The following LMX1B variants were observed in gnomAD, a reference collection of about 807,000 sequenced individuals.
LMX1B encodes LIM homeobox transcription factor 1-beta.
A neutral mutation model predicts 51.4 loss-of-function variants in LMX1B; 12 were observed. The observed-to-expected ratio is 0.23, with a 90% confidence interval of 0.15 to 0.38. The LOEUF (loss-of-function observed/expected upper bound fraction) is 0.38, where lower values mean the gene tolerates loss of function less well. Among genes scored for constraint, LMX1B ranks in the 10% least tolerant of loss-of-function variants. LMX1B has a pLI of 1.00. For missense variants in LMX1B, 445 were observed against 571.1 expected (o/e 0.78, Z 2.25); for synonymous variants, 237 against 235.4 (o/e 1.01, Z -0.06).
intron 2 of LMX1B, among the ~76,000 whole-genome samples, chr9:126,661,001 C>T (rs939532854): frequency 1.3e-5 from 2 of 152,170 alleles, no homozygotes; most frequent in Admixed American, 6.5e-5. Context: ...ACAAAAGCAA[C>T]GTCTAAACTT....
chr9:126,639,857 T>C (rs1391581335), intron 2 of LMX1B, among the ~76,000 whole-genome samples: 1 of 152,244 alleles, frequency 6.6e-6, no homozygotes, highest in Non-Finnish European at 1.5e-5. Flanking sequence ...GCTGTGATGA[T>C]CTTTAGCAGG....
At chr9:126,619,299 C>T (rs1835365017) in intron 2 of LMX1B, among the ~76,000 whole-genome samples, 1 of 152,190 alleles carries the variant, frequency 6.6e-6, no homozygotes, top group Non-Finnish European at 1.5e-5. Context: ...CACTCCCCAT[C>T]CAGCTCCCGC....
chr9:126,633,654 C>T (rs1660857574), intron 2 of LMX1B, among the ~76,000 whole-genome samples: 3 of 152,180 alleles, frequency 2.0e-5, no homozygotes, highest in African/African-American at 4.8e-5. Flanking sequence ...ACGGAGTCCA[C>T]CAGCACATCC....
intron 3 of LMX1B, among the ~76,000 whole-genome samples, chr9:126,692,814 G>A (rs1475094133): frequency 2.6e-5 from 4 of 152,258 alleles, no homozygotes; most frequent in Non-Finnish European, 4.4e-5. Context: ...CCACATGTAC[G>A]TGTGTGCATG....
At chr9:126,689,698 C>T (rs1038563776) in intron 2 of LMX1B, among the ~76,000 whole-genome samples, 7 of 151,704 alleles carry the variant, frequency 4.6e-5, no homozygotes, top group African/African-American at 7.2e-5. Flanking sequence ...CCACCTCTCC[C>T]GGCCCTCGTT....
chr9:126,633,067 C>T (rs10760443), intron 2 of LMX1B, among the ~76,000 whole-genome samples: 127,474 of 152,150 alleles, frequency 0.84, 54,070 homozygotes, highest in Non-Finnish European at 0.92. Context: ...GTCCCCTGGC[C>T]TCCATCATCC....
intron 3 of LMX1B, among the ~76,000 whole-genome samples, chr9:126,691,490 A>G (rs1418916945): frequency 1.3e-5 from 2 of 151,588 alleles, no homozygotes; most frequent in Non-Finnish European, 2.9e-5. Flanking sequence ...TACACACATG[A>G]CACAGCACAC....
intron 2 of LMX1B, among the ~76,000 whole-genome samples, chr9:126,686,489 T>G (rs889746194): frequency 3.3e-5 from 5 of 152,198 alleles, no homozygotes; most frequent in African/African-American, 4.8e-5. Flanking sequence ...AAATGGAATT[T>G]CTTACTCCAT....
At position 126,677,382 on chromosome 9, in the gene LMX1B, C is replaced by T. The variant is rs1452644068; in HGVS notation, c.327-13454C>T. ...TTCTCTCAGGCCTCTGTAGATGACT[C>T]AGCCAGGGGACTCATCTTGCCCACC... On this transcript the variant is annotated intron_variant, in intron 2 of 7. Coordinates refer to ENST00000373474, the MANE Select transcript of LMX1B (RefSeq NM_001174147.2). This position sits in a 1 kb window ranked among gnomAD's most constrained non-coding sequence, Gnocchi z 5.0. Among the ~76,000 whole-genome samples, 3 of 152,216 alleles carry T rather than the reference C, an allele frequency of 2.0e-5. No homozygotes were observed. The highest frequency in any genetic ancestry group is 4.4e-5 in the Non-Finnish European group (3 of 68,040).
chr9:126,631,187 T>A (rs1588269030), intron 2 of LMX1B, among the ~76,000 whole-genome samples: 1 of 152,130 alleles, frequency 6.6e-6, no homozygotes, highest in South Asian at 2.1e-4. Flanking sequence ...GTGGCAAGAG[T>A]TCAGGCCAGT....
chr9:126,642,355 A>T (rs1835824829), intron 2 of LMX1B, among the ~76,000 whole-genome samples: 1 of 152,134 alleles, frequency 6.6e-6, no homozygotes, highest in African/African-American at 2.4e-5. Flanking sequence ...TGCAGCCCTG[A>T]TGCCAGGGCT....
intron 2 of LMX1B, among the ~76,000 whole-genome samples, chr9:126,637,942 G>GC (rs1835743055): frequency 6.6e-6 from 1 of 151,334 alleles, no homozygotes; most frequent in Non-Finnish European, 1.5e-5. Context: ...GACACCCAGG[G>GC]CCCCCTCCGA....
intron 2 of LMX1B, among the ~76,000 whole-genome samples, chr9:126,669,508 C>T (rs754506462): frequency 3.3e-5 from 5 of 152,140 alleles, no homozygotes; most frequent in Admixed American, 6.5e-5. Context: ...GCACCTGCAG[C>T]CTGCTTGGGC....
rs992060267 is a variant in LMX1B, at chr9:126,673,697, G to A, written c.327-17139G>A. On this transcript the variant is annotated intron_variant, in intron 2 of 7. Coordinates refer to ENST00000373474, the MANE Select transcript of LMX1B (RefSeq NM_001174147.2). The surrounding 1 kb of genome is among the most constrained non-coding windows in gnomAD (Gnocchi z 4.4). ...GGGGCCAGCACTGTGCTTCCTGGGC[G>A]CCTCACCTCCTCCCTGACTCCTGGA... Among the ~76,000 whole-genome samples the A allele has an allele frequency of 2.6e-5, 4 of 152,100 alleles. No individual in the cohort carries two copies. The highest frequency in any genetic ancestry group is 5.9e-5 in the Non-Finnish European group (4 of 68,008).
chr9:126,693,384 A>G, intron 4 of LMX1B, 61 bp downstream of exon 4: 2 of 1,561,438 alleles, frequency 1.3e-6, no homozygotes, highest in Non-Finnish European at 1.7e-6. Flanking sequence ...GCCTTTCTGG[A>G]GACCACCCCC....
intron 2 of LMX1B, among the ~76,000 whole-genome samples, chr9:126,687,103 C>T (rs756766964): frequency 2.0e-5 from 3 of 152,068 alleles, no homozygotes; most frequent in Non-Finnish European, 2.9e-5. Context: ...GGGCACACAC[C>T]GAACAAAAGA....
intron 2 of LMX1B, among the ~76,000 whole-genome samples, chr9:126,646,337 C>T (rs112445569): frequency 2.0e-5 from 2 of 102,096 alleles, no homozygotes; most frequent in African/African-American, 1.0e-4. Context: ...TCTACCTACC[C>T]ATCCATCCAT....
In LMX1B at chr9:126,673,220, GGGGAGCCCCAGACACCACA is replaced by G. The variant is rs1836491597; in HGVS notation, c.327-17606_327-17588del. Reference sequence around the variant, plus strand: ...CAGCAGGTATCCATGCTGGGGTCTGGGGGAGCCCCAGACACCACAGGGAGCCCCTACCTAGGGAAAGGGC... The same window carrying G: ...CAGCAGGTATCCATGCTGGGGTCTGGGGGAGCCCCTACCTAGGGAAAGGGC... On this transcript the variant is annotated intron_variant, in intron 2 of 7. Transcript: ENST00000373474. This position sits in a 1 kb window ranked among gnomAD's most constrained non-coding sequence, Gnocchi z 4.4. Among the ~76,000 whole-genome samples, 1 of 152,170 alleles carries G rather than the reference GGGGAGCCCCAGACACCACA, an allele frequency of 6.6e-6. No homozygotes were observed. The highest frequency in any genetic ancestry group is 1.5e-5 in the Non-Finnish European group (1 of 68,020).
At chr9:126,681,922 T>A (rs1836682226) in intron 2 of LMX1B, among the ~76,000 whole-genome samples, 1 of 149,888 alleles carries the variant, frequency 6.7e-6, no homozygotes, top group Non-Finnish European at 1.5e-5. Context: ...ATAATAATAA[T>A]AAAATAAAAT....
Sources: gnomAD v4.1 joint callset for allele counts (sites outside exome capture counted in the v4.1 genomes callset) on GRCh38, gnomAD v4.1.1 for gene constraint, Gnocchi (gnomAD v3.1) non-coding constraint, MANE v1.5 for transcripts, NCBI Gene and HGNC (gene_info 2026-07-23, HGNC 2026-07-21) for gene names.